NDUFAF7: variants seen among roughly 807,000 people sequenced by gnomAD.
NDUFAF7 encodes NADH:ubiquinone oxidoreductase complex assembly factor 7.
In NDUFAF7, 48 loss-of-function variants were observed where a neutral mutation model predicts 47.2. That is an observed-to-expected ratio of 1.02 (90% CI 0.81 to 1.29). The LOEUF is 1.29. Ranked by LOEUF, NDUFAF7 falls within the 50% of genes most tolerant of loss-of-function variation. The pLI, the probability that NDUFAF7 is intolerant of heterozygous loss-of-function variation, is 0.00. For missense variants in NDUFAF7, 635 were observed against 537.6 expected (o/e 1.18, Z -1.79); for synonymous variants, 217 against 190.0 (o/e 1.14, Z -1.17).
chr2:37,254,802 C>G (rs563585314), downstream of NDUFAF7, among the ~76,000 whole-genome samples: 61 of 152,278 alleles, frequency 4.0e-4, no homozygotes, highest in South Asian at 0.012. Flanking sequence ...TGCCTTGCCT[C>G]TATATATGGT....
At chr2:37,262,902 C>G in the NDUFAF7 span, among the ~76,000 whole-genome samples, 17 of 151,578 alleles carry the variant, frequency 1.1e-4, no homozygotes, top group Admixed American at 3.3e-4. Flanking sequence ...CCTTCCCCCC[C>G]CCGTATTTGT....
At chr2:37,235,810 A>C (rs1297720928) in intron 2 of NDUFAF7, among the ~76,000 whole-genome samples, 1 of 151,954 alleles carries the variant, frequency 6.6e-6, no homozygotes, top group African/African-American at 2.4e-5. Context: ...ACCCTCCACC[A>C]TGCCCGGCTA....
chr2:37,248,497 T>C lies in NDUFAF7; in HGVS notation c.*147T>C, dbSNP rs901889210. The C allele has an allele frequency of 1.2e-6, 1 of 800,544 alleles. No homozygotes were observed. Among genetic ancestry groups the C allele is most frequent in the African/African-American group, 1.7e-5 (1 of 58,698 alleles). The allele number at this position is 800,544 out of a possible 1,614,324, so 49.6% of individuals were successfully genotyped here. On this transcript the variant is annotated 3_prime_UTR_variant, in exon 10 of 10. Coordinates refer to ENST00000002125, the MANE Select transcript of NDUFAF7 (RefSeq NM_144736.5). The stretch of plus-strand genomic sequence containing the variant: ...CATGTTGTATATAATACAACCAACA[T>C]TATAGAACTTTTAGGGTTGTGACTG...
At chr2:37,259,572 G>T in the NDUFAF7 span, 1 of 1,593,600 alleles carries the variant, frequency 6.3e-7, no homozygotes, top group Non-Finnish European at 8.6e-7. Context: ...AGGTTCTGGA[G>T]AATATCTCAC....
At chr2:37,254,089 C>A, downstream of NDUFAF7, 1 of 726,708 alleles carries the variant, frequency 1.4e-6, no homozygotes, top group Non-Finnish European at 2.4e-6. Flanking sequence ...ACAAATTAAT[C>A]ACTTAAGAGC....
chr2:37,261,276 C>A, the NDUFAF7 span, among the ~76,000 whole-genome samples: 1 of 151,772 alleles, frequency 6.6e-6, no homozygotes, highest in East Asian at 1.9e-4. Flanking sequence ...CATTTGAGGT[C>A]AGGAGTTCGA....
downstream of NDUFAF7, chr2:37,256,705 T>C: frequency 6.3e-7 from 1 of 1,598,388 alleles, no homozygotes; most frequent in Non-Finnish European, 8.5e-7. Context: ...GGTACATAAA[T>C]GCAGCATTTT....
chr2:37,232,708 G>A lies in NDUFAF7; in HGVS notation c.216+442G>A, dbSNP rs182471844. 3.3e-5 allele frequency among the ~76,000 whole-genome samples: 5 copies of A among 152,310 alleles called. No homozygotes were observed. The East Asian group carries it at 7.7e-4, about 24-fold the overall frequency. On this transcript the variant is annotated intron_variant, in intron 2 of 9. Coordinates refer to ENST00000002125, the MANE Select transcript of NDUFAF7 (RefSeq NM_144736.5). ...GGAATTACTGCCTGGAAAGTCGTCT[G>A]TGTTGGAATGGCTTCAGCTGGCATT...
At chr2:37,259,663 T>G in the NDUFAF7 span, 1 of 1,611,924 alleles carries the variant, frequency 6.2e-7, no homozygotes, top group East Asian at 2.2e-5. Flanking sequence ...AAATGCAGAT[T>G]CCTCAAAGCA....
At position 37,248,464 on chromosome 2, in the gene NDUFAF7, G is replaced by T. The variant is rs763513699; in HGVS notation, c.*114G>T. Reference sequence around the variant, plus strand: ...AAAGTATTTTATCTTTTCACAGCAAGAACAGTCCATGTTGTATATAATACA... The same window carrying T: ...AAAGTATTTTATCTTTTCACAGCAATAACAGTCCATGTTGTATATAATACA... On this transcript the variant is annotated 3_prime_UTR_variant, in exon 10 of 10. Transcript: ENST00000002125. 3 of 1,044,126 alleles carry T rather than the reference G, an allele frequency of 2.9e-6. No individual in the cohort carries two copies. The highest frequency in any genetic ancestry group is 4.4e-6 in the Non-Finnish European group (3 of 679,768). 64.7% of individuals were successfully genotyped at this position (1,044,126 alleles called of 1,614,324 possible).
chr2:37,269,819 A>G, the NDUFAF7 span: 2 of 661,210 alleles, frequency 3.0e-6, no homozygotes, highest in Non-Finnish European at 5.0e-6. Flanking sequence ...AGTGCAAACT[A>G]TTTTATGAAA....
In NDUFAF7 at chr2:37,236,162, C is replaced by A; in HGVS notation, c.283C>A (p.Gln95Lys). The A allele has an allele frequency of 6.2e-7, 1 of 1,609,976 alleles. No homozygotes were observed. The highest frequency in any genetic ancestry group is 1.1e-5 in the South Asian group (1 of 90,974). ...TTTCATTACTTCACCTGAAATAAGTCAAATCTTTGGGGAGGTAATATACTA... is the reference window on the plus strand; with the variant it reads ...TTTCATTACTTCACCTGAAATAAGTAAAATCTTTGGGGAGGTAATATACTA... The part of the protein sequence containing the change: ...GDFITSPEIS[Q>K]IFGELLGIWF... Residue 95 changes from glutamine to lysine, a missense_variant, in exon 3 of 10, where the codon CAA (glutamine) becomes AAA (lysine). Physicochemically the swap from Gln to Lys is moderately conservative, Grantham distance 53. Coordinates refer to ENST00000002125, the MANE Select transcript of NDUFAF7 (RefSeq NM_144736.5).
intron 2 of NDUFAF7, 71 bp from the exon 3 acceptor site, chr2:37,236,024 AT>A: frequency 8.2e-7 from 1 of 1,220,442 alleles, no homozygotes; most frequent in East Asian, 2.3e-5. Context: ...ATTATTTAAG[AT>A]TTTGGAGGGG....
At chr2:37,267,408 G>GT in the NDUFAF7 span, 2 of 1,478,280 alleles carry the variant, frequency 1.4e-6, no homozygotes, top group African/African-American at 1.4e-5. Context: ...TAATAAACCA[G>GT]TTTTTTATTT....
chr2:37,256,587 T>C, downstream of NDUFAF7: 3 of 1,412,154 alleles, frequency 2.1e-6, no homozygotes, highest in Non-Finnish European at 2.8e-6. Context: ...CAGACTGATT[T>C]GGGATGAGAA....
At chr2:37,233,782 A>C (rs2148384362) in intron 2 of NDUFAF7, among the ~76,000 whole-genome samples, 1 of 152,314 alleles carries the variant, frequency 6.6e-6, no homozygotes, top group Non-Finnish European at 1.5e-5. Flanking sequence ...GAGTAGGGGT[A>C]ACTCTAAAAT....
In NDUFAF7 at chr2:37,231,865, A is replaced by G. The variant is rs911214459; in HGVS notation, c.55+105A>G. The G allele has an allele frequency of 2.0e-5, 31 of 1,584,764 alleles. No homozygotes were observed. In the Admixed American group the frequency reaches 4.6e-4, roughly 23 times the overall value. On this transcript the variant is annotated intron_variant, in intron 1 of 9. Coordinates refer to ENST00000002125, the MANE Select transcript of NDUFAF7 (RefSeq NM_144736.5). ...CGGGGGATCAAGGGCTCGGGGGCTC[A>G]CTTCCACCTTGAAGGTACCCTGGGC...
chr2:37,245,707 G>A (rs535320405), intron 7 of NDUFAF7, among the ~76,000 whole-genome samples: 147 of 152,226 alleles, frequency 9.7e-4, no homozygotes, highest in African/African-American at 3.4e-3. Context: ...CCTTTCCCAT[G>A]CTTTCAACCT....
At chr2:37,237,913 A>G in intron 4 of NDUFAF7, 46 bp downstream of exon 4, 1 of 1,290,532 alleles carries the variant, frequency 7.7e-7, no homozygotes, top group Non-Finnish European at 1.1e-6. Flanking sequence ...AGTGAATTTT[A>G]GTACTTCTGA....
Sources: allele counts gnomAD v4.1 joint callset (sites outside exome capture counted in the v4.1 genomes callset), GRCh38; gene constraint gnomAD v4.1.1; transcripts MANE v1.5; gene names NCBI Gene and HGNC (gene_info 2026-07-23, HGNC 2026-07-21).